The following DCTN4 variants were observed in gnomAD, a reference collection of about 807,000 sequenced individuals.
The protein encoded by DCTN4 is dynactin subunit 4.
Under a neutral mutation model 62.7 loss-of-function variants are expected in DCTN4, and 23 were observed. That is an observed-to-expected ratio of 0.37 (90% CI 0.26 to 0.52). The LOEUF is 0.52. Ranked by LOEUF, DCTN4 falls within the 20% of genes least tolerant of loss-of-function variation. The pLI is 0.92. For synonymous variants in DCTN4, 199 were observed against 202.1 expected (o/e 0.98, Z 0.13); for missense variants, 514 against 580.4 (o/e 0.89, Z 1.18).
chr5:150,741,992 G>T, intron 4 of DCTN4, 122 bp downstream of exon 4: 1 of 840,304 alleles, frequency 1.2e-6, no homozygotes, highest in Non-Finnish European at 2.1e-6. Flanking sequence ...CACTGTCTAT[G>T]TGCAAAGACG....
chr5:150,729,057 T>C lies in DCTN4; in HGVS notation c.834+1574A>G, dbSNP rs1335826754. Reference sequence around the variant, plus strand: ...ACCACACTGGCTTTTTTTTTTTTTTTTTTTTTTTTTTTTTTTTGGTAGAGA... The same window carrying C: ...ACCACACTGGCTTTTTTTTTTTTTTCTTTTTTTTTTTTTTTTTGGTAGAGA... On this transcript the variant is annotated intron_variant, in intron 8 of 12. Transcript: ENST00000447998. Among the ~76,000 whole-genome samples the C allele has an allele frequency of 1.0e-4, 13 of 128,172 alleles. No homozygotes were observed. The East Asian group carries it at 2.6e-3, about 26-fold the overall frequency. The allele number at this position is 128,172 out of a possible 152,430, so 84.1% of individuals were successfully genotyped here.
In DCTN4 at chr5:150,731,109, T is replaced by G. The variant is rs1317957991; in HGVS notation, c.659A>C (p.Gln220Pro). 2 of 1,613,484 alleles carry G rather than the reference T, an allele frequency of 1.2e-6. No individual in the cohort carries two copies. Among genetic ancestry groups the G allele is most frequent in the East Asian group, 4.5e-5 (2 of 44,866 alleles). ...TAGAGGTTCCACTTCATCCACAGCC[T>G]GAGCTGGCTCAATCTTTATCTCTTT... ...DQKEIKIEPA[Q>P]AVDEVEPLPE... The change falls in exon 7 of 13, where the codon CAG becomes CCG. Residue 220 changes from glutamine to proline, a missense_variant. Gln to Pro is a moderately conservative substitution (Grantham distance 76). Coordinates refer to ENST00000447998, the MANE Select transcript of DCTN4 (RefSeq NM_016221.4).
chr5:150,750,229 T>A (rs565914134), intron 3 of DCTN4, among the ~76,000 whole-genome samples: 2 of 152,292 alleles, frequency 1.3e-5, no homozygotes, highest in South Asian at 4.1e-4. Flanking sequence ...ATATAAATTA[T>A]ATATTGGTAA....
intron 2 of DCTN4, among the ~76,000 whole-genome samples, chr5:150,756,155 C>T (rs1581608219): frequency 6.6e-6 from 1 of 151,616 alleles, no homozygotes; most frequent in Non-Finnish European, 1.5e-5. Flanking sequence ...AATTCATCTG[C>T]CTCAGCCTCC....
At chr5:150,739,971 A>T (rs1440015363) in intron 4 of DCTN4, among the ~76,000 whole-genome samples, 1 of 152,218 alleles carries the variant, frequency 6.6e-6, no homozygotes, top group African/African-American at 2.4e-5. Flanking sequence ...AAACCATAAA[A>T]ATTCTAGAAG....
intron 2 of DCTN4, among the ~76,000 whole-genome samples, chr5:150,754,773 G>C (rs990438089): frequency 1.3e-5 from 2 of 152,124 alleles, no homozygotes; most frequent in Admixed American, 1.3e-4. Context: ...AGACCAGCCT[G>C]GGCAACATGG....
chr5:150,724,166 A>AT (rs976284690), intron 8 of DCTN4, among the ~76,000 whole-genome samples: 3 of 151,972 alleles, frequency 2.0e-5, no homozygotes, highest in Non-Finnish European at 2.9e-5. Flanking sequence ...ACTGCAGTTA[A>AT]TTTTTTTTAA....
intron 12 of DCTN4, among the ~76,000 whole-genome samples, chr5:150,714,790 G>A (rs1274659119): frequency 6.6e-6 from 1 of 152,146 alleles, no homozygotes; most frequent in Non-Finnish European, 1.5e-5. Flanking sequence ...CACGCAAGCA[G>A]TGTTCCCCTT....
chr5:150,725,076 T>C (rs143776483), intron 8 of DCTN4, among the ~76,000 whole-genome samples: 1,651 of 144,774 alleles, frequency 0.011, 28 homozygotes, highest in African/African-American at 0.039. Context: ...GAGAATGGCG[T>C]GAACCTGGGA....
chr5:150,733,540 TA>T, intron 4 of DCTN4, 65 bp from the exon 5 acceptor site: 1 of 1,140,518 alleles, frequency 8.8e-7, no homozygotes, highest in Non-Finnish European at 1.3e-6. Flanking sequence ...ATTAATCAAC[TA>T]CACTGACTAG....
chr5:150,736,335 AAAGAATCTT>A (rs1760581152), intron 4 of DCTN4: 1 of 152,216 alleles, frequency 6.6e-6, no homozygotes, highest in African/African-American at 2.4e-5. Flanking sequence ...AAGACAAAGG[AAAGAATCTT>A]AAGAGTTATG....
intron 2 of DCTN4, among the ~76,000 whole-genome samples, chr5:150,754,962 CA>C (rs60837855): frequency 0.17 from 22,629 of 136,384 alleles, 2,965 homozygotes; most frequent in African/African-American, 0.38. Flanking sequence ...GACCCTGTCT[CA>C]AAAAAAAAAA....
In DCTN4 at chr5:150,731,500, T is replaced by C; in HGVS notation, c.538-11A>G. On this transcript the variant is annotated splice_polypyrimidine_tract_variant and intron_variant, in intron 5 of 12. Coordinates refer to ENST00000447998, the MANE Select transcript of DCTN4 (RefSeq NM_016221.4). ...AAGACCATATTTGTCCTAAACAAAG[T>C]TCAGAAATTCCTATTAGAAAGTCCA... 6.2e-7 allele frequency: 1 copy of C among 1,610,214 alleles called. No individual in the cohort carries two copies. Among genetic ancestry groups the C allele is most frequent in the Non-Finnish European group, 8.5e-7 (1 of 1,178,626 alleles).
chr5:150,746,699 C>T (rs1235802314), intron 3 of DCTN4, among the ~76,000 whole-genome samples: 1 of 152,196 alleles, frequency 6.6e-6, no homozygotes, highest in Non-Finnish European at 1.5e-5. Context: ...ACATGATTAT[C>T]TCAATAGATG....
chr5:150,727,387 A>G (rs1420328116), intron 8 of DCTN4, among the ~76,000 whole-genome samples: 1 of 152,188 alleles, frequency 6.6e-6, no homozygotes, highest in Non-Finnish European at 1.5e-5. Context: ...ATGTATATAA[A>G]CCACAGTAAT....
chr5:150,733,420 C>T lies in DCTN4; in HGVS notation c.485G>A (p.Arg162Gln), dbSNP rs774579573. 6.8e-6 allele frequency: 11 copies of T among 1,613,990 alleles called. No individual in the cohort carries two copies. Among genetic ancestry groups the T allele is most frequent in the South Asian group, 2.2e-5 (2 of 91,074 alleles). The change falls in exon 5 of 13, where the codon CGA becomes CAA. Residue 162 changes from arginine (R) to glutamine (Q), a missense_variant. Arg to Gln is a conservative substitution (Grantham distance 43). Coordinates refer to ENST00000447998, the MANE Select transcript of DCTN4 (RefSeq NM_016221.4). ...ACGTCGTGCCAGTTTCTTGCGATCTCGCTCAACCTTCTCTTTCTGAGCAAG... is the reference window on the plus strand; with the variant it reads ...ACGTCGTGCCAGTTTCTTGCGATCTTGCTCAACCTTCTCTTTCTGAGCAAG... ...QQLAQKEKVE[R>Q]DRKKLARRRN...
intron 12 of DCTN4, among the ~76,000 whole-genome samples, chr5:150,714,234 C>G (rs1323170467): frequency 6.6e-6 from 1 of 152,184 alleles, no homozygotes; most frequent in East Asian, 1.9e-4. Context: ...TGGACTGTAT[C>G]TGCTGGATCG....
intron 8 of DCTN4, among the ~76,000 whole-genome samples, chr5:150,726,233 A>G (rs2113027781): frequency 6.6e-6 from 1 of 152,308 alleles, no homozygotes; most frequent in African/African-American, 2.4e-5. Flanking sequence ...GGAAATTGGT[A>G]TTGACAGTAA....
At chr5:150,755,305 C>T (rs1444870982) in intron 2 of DCTN4, among the ~76,000 whole-genome samples, 2 of 152,136 alleles carry the variant, frequency 1.3e-5, no homozygotes, top group Admixed American at 1.3e-4. Flanking sequence ...ATAATTTATG[C>T]AGATAGTCCT....
Sources: gnomAD v4.1 joint callset for allele counts (sites outside exome capture counted in the v4.1 genomes callset) on GRCh38, gnomAD v4.1.1 for gene constraint, MANE v1.5 for transcripts, NCBI Gene and HGNC (gene_info 2026-07-23, HGNC 2026-07-21) for gene names.